The following EYS variants were observed in gnomAD, a reference collection of about 807,000 sequenced individuals.
EYS encodes the protein EGF-like photoreceptor maintenance factor, also known as protein eyes shut homolog.
A neutral mutation model predicts 282.1 loss-of-function variants in EYS; 250 were observed. The observed-to-expected ratio is 0.89, with a 90% CI of 0.80 to 0.98. The LOEUF (loss-of-function observed/expected upper bound fraction) is 0.98. Among genes scored for constraint, EYS ranks in the 50% least tolerant of loss-of-function variants. The probability of loss-of-function intolerance (pLI) is 0.00; values close to 1 mark genes in which losing one functional copy is unlikely to be tolerated. For synonymous variants in EYS, 1,355 were observed against 1,282.9 expected (o/e 1.06, Z -1.20); for missense variants, 4,016 against 3,709.0 (o/e 1.08, Z -2.15).
At chr6:65,654,979 A>T (rs771215254) in intron 1 of EYS, among the ~76,000 whole-genome samples, 26 of 69,502 alleles carry the variant, frequency 3.7e-4, no homozygotes, top group Admixed American at 9.6e-4. Flanking sequence ...GTCATTCATT[A>T]AAAAAAAAAA....
intron 22 of EYS, among the ~76,000 whole-genome samples, chr6:64,737,320 T>C (rs1413166697): frequency 1.3e-5 from 2 of 152,356 alleles, no homozygotes; most frequent in African/African-American, 4.8e-5. Context: ...CTGTATGCTC[T>C]ACTTTAGTAA....
intron 1 of EYS, among the ~76,000 whole-genome samples, chr6:65,689,177 T>C (rs921987405): frequency 1.3e-5 from 2 of 149,912 alleles, no homozygotes; most frequent in African/African-American, 4.9e-5. Context: ...ATATTCACCA[T>C]GGAATACTAT....
rs75619385 is a variant in EYS at position 65,481,196 on chromosome 6, C to T, written c.862+9398G>A. On this transcript the variant is annotated intron_variant, in intron 5 of 42. Transcript: ENST00000503581. Reference sequence around the variant, plus strand: ...TCTGATTTGATCCTTACATATTGTACAGATATATCAAAATATCACTCTGTA... The same window carrying T: ...TCTGATTTGATCCTTACATATTGTATAGATATATCAAAATATCACTCTGTA... Among the ~76,000 whole-genome samples the T allele has an allele frequency of 7.7e-3, 1,167 of 152,070 alleles. 20 individuals carry two copies. The highest frequency in any genetic ancestry group is 0.026 in the African/African-American group (1,075 of 41,488).
At chr6:64,622,626 C>T (rs1412047871) in intron 23 of EYS, among the ~76,000 whole-genome samples, 1 of 152,010 alleles carries the variant, frequency 6.6e-6, no homozygotes, top group Non-Finnish European at 1.5e-5. Flanking sequence ...AGGATGACAA[C>T]CATGGAGTTG....
chr6:64,785,680 T>G (rs1773993365), intron 22 of EYS, among the ~76,000 whole-genome samples: 1 of 152,226 alleles, frequency 6.6e-6, no homozygotes, highest in African/African-American at 2.4e-5. Flanking sequence ...CATAACCTGA[T>G]AGCTACCAGT....
intron 2 of EYS, among the ~76,000 whole-genome samples, chr6:65,636,538 G>A (rs1767096742): frequency 6.6e-6 from 1 of 152,002 alleles, no homozygotes; most frequent in African/African-American, 2.4e-5. Context: ...TGACTATTCT[G>A]TATAAAACAG....
intron 31 of EYS, among the ~76,000 whole-genome samples, chr6:64,158,599 C>T (rs1775005291): frequency 6.6e-6 from 1 of 152,160 alleles, no homozygotes; most frequent in East Asian, 1.9e-4. Flanking sequence ...TCTTTCTGAG[C>T]ACTTTTCTGT....
Position 63,957,641 on chromosome 6 carries a change from T to G in EYS, c.7055+26742A>C, listed in dbSNP as rs908280814. 3.6e-5 allele frequency among the ~76,000 whole-genome samples: 5 copies of G among 140,688 alleles called. 1 individual carries two copies. The Admixed American group carries it at 3.8e-4, about 11-fold the overall frequency. The allele number at this position is 140,688 out of a possible 152,430, so 92.3% of individuals were successfully genotyped here. A position where few individuals can be genotyped will look rare whatever the true frequency, so the allele number is the denominator to read the frequency against. ...TTATTCAAACTATAAATCTGAAAAATCATTTATGCTACAGCGCCTAAAAGT... is the reference window on the plus strand; with the variant it reads ...TTATTCAAACTATAAATCTGAAAAAGCATTTATGCTACAGCGCCTAAAAGT... On this transcript the variant is annotated intron_variant, in intron 35 of 42. Coordinates refer to ENST00000503581, the MANE Select transcript of EYS (RefSeq NM_001142800.2).
At chr6:65,527,321 T>C (rs1369207007) in intron 2 of EYS, among the ~76,000 whole-genome samples, 2 of 152,178 alleles carry the variant, frequency 1.3e-5, no homozygotes, top group South Asian at 2.1e-4. Flanking sequence ...TAGAGAAATA[T>C]ACTGGGGTAT....
intron 30 of EYS, among the ~76,000 whole-genome samples, chr6:64,286,620 T>C (rs577184356): frequency 6.6e-6 from 1 of 152,256 alleles, no homozygotes; most frequent in East Asian, 1.9e-4. Context: ...GTCATTTGAA[T>C]TGGAAAATAG....
intron 35 of EYS, among the ~76,000 whole-genome samples, chr6:63,875,433 C>CT (rs1379041306): frequency 3.3e-5 from 5 of 152,036 alleles, no homozygotes; most frequent in East Asian, 1.9e-4. Flanking sequence ...CTAAAATTCT[C>CT]TTTTTTTGTT....
intron 2 of EYS, among the ~76,000 whole-genome samples, chr6:65,511,743 A>G (rs189129742): frequency 5.5e-4 from 83 of 152,246 alleles, no homozygotes; most frequent in African/African-American, 2.0e-3. Flanking sequence ...ACTTGACGTC[A>G]GAAGTTCAAG....
intron 35 of EYS, among the ~76,000 whole-genome samples, chr6:63,978,571 C>T (rs1049870500): frequency 7.2e-5 from 11 of 151,874 alleles, no homozygotes; most frequent in Non-Finnish European, 1.3e-4. Context: ...GACTGCTGAG[C>T]TAGATTTGGG....
chr6:65,126,765 C>A (rs1177104620), intron 12 of EYS, among the ~76,000 whole-genome samples: 2 of 152,188 alleles, frequency 1.3e-5, no homozygotes, highest in Non-Finnish European at 2.9e-5. Flanking sequence ...TTCTCTCCAA[C>A]TCTTGCAGCC....
At chr6:65,603,683 C>G (rs1243492831) in intron 2 of EYS, among the ~76,000 whole-genome samples, 1 of 151,574 alleles carries the variant, frequency 6.6e-6, no homozygotes, top group African/African-American at 2.4e-5. Flanking sequence ...TTTTGTAAAC[C>G]CCAGAGCTTT....
intron 2 of EYS, among the ~76,000 whole-genome samples, chr6:65,507,783 T>G (rs1394071553): frequency 6.6e-6 from 1 of 152,144 alleles, no homozygotes; most frequent in African/African-American, 2.4e-5. Flanking sequence ...AGCATTTTCT[T>G]TCAGTTCTTT....
At chr6:65,395,079 T>C (rs1393449059) in intron 7 of EYS, among the ~76,000 whole-genome samples, 2 of 152,224 alleles carry the variant, frequency 1.3e-5, no homozygotes, top group Admixed American at 1.3e-4. Flanking sequence ...TCTGTCTGTT[T>C]TGAGACAGAG....
At chr6:63,961,791 G>T (rs572253796) in intron 35 of EYS, among the ~76,000 whole-genome samples, 1 of 151,992 alleles carries the variant, frequency 6.6e-6, no homozygotes, top group Non-Finnish European at 1.5e-5. Context: ...ATCACATTGG[G>T]TATACATTCC....
chr6:63,885,203 T>C (rs1773233727), intron 35 of EYS, among the ~76,000 whole-genome samples: 1 of 152,020 alleles, frequency 6.6e-6, no homozygotes, highest in Non-Finnish European at 1.5e-5. Context: ...CATATAGGAG[T>C]AATCTCATAG....
Sources: gnomAD v4.1 joint callset for allele counts (sites outside exome capture counted in the v4.1 genomes callset) on GRCh38, gnomAD v4.1.1 for gene constraint, MANE v1.5 for transcripts, NCBI Gene and HGNC (gene_info 2026-07-23, HGNC 2026-07-21) for gene names.